RGS7: variants seen among roughly 807,000 people sequenced by gnomAD.
RGS7 encodes regulator of G protein signaling 7.
Under a neutral mutation model 81.1 loss-of-function variants are expected in RGS7, and 27 were observed. The ratio of observed to expected loss-of-function variants is 0.33; its 90% CI spans 0.25 to 0.46. The LOEUF is 0.46. RGS7 is among the 20% of genes least tolerant of loss of function. RGS7 has a pLI of 1.00. For missense variants in RGS7, 396 were observed against 607.4 expected (o/e 0.65, Z 3.66); for synonymous variants, 208 against 207.7 (o/e 1.00, Z -0.01).
intron 4 of RGS7, among the ~76,000 whole-genome samples, chr1:240,950,917 TTCTC>T (rs1168942820): frequency 2.0e-5 from 3 of 151,598 alleles, no homozygotes; most frequent in Admixed American, 6.6e-5. Context: ...TTTCTTTCCT[TTCTC>T]TCTCTCTTTT....
intron 2 of RGS7, among the ~76,000 whole-genome samples, chr1:241,310,939 G>A (rs562819283): frequency 6.0e-4 from 91 of 152,288 alleles, no homozygotes; most frequent in African/African-American, 2.0e-3. Context: ...CTTTCATCTC[G>A]ATCCCTGGAG....
At chr1:241,175,777 G>A (rs1346529303) in intron 2 of RGS7, among the ~76,000 whole-genome samples, 1 of 152,146 alleles carries the variant, frequency 6.6e-6, no homozygotes, top group Non-Finnish European at 1.5e-5. Context: ...GATGGGAGCA[G>A]CAATAGTTGG....
chr1:240,979,241 G>C (rs1309820680), intron 4 of RGS7, among the ~76,000 whole-genome samples: 1 of 152,132 alleles, frequency 6.6e-6, no homozygotes, highest in African/African-American at 2.4e-5. Flanking sequence ...AAAAAAGATA[G>C]TGTAGCAAAG....
intron 6 of RGS7, among the ~76,000 whole-genome samples, chr1:240,916,672 G>A (rs1315546381): frequency 6.6e-6 from 1 of 152,168 alleles, no homozygotes; most frequent in African/African-American, 2.4e-5. Context: ...CCTATACAGG[G>A]AAAAGGCCAT....
chr1:241,030,377 T>TATATATATATATATATAC (rs71793632), intron 3 of RGS7, among the ~76,000 whole-genome samples: 7 of 137,372 alleles, frequency 5.1e-5, no homozygotes, highest in African/African-American at 1.1e-4. Flanking sequence ...TATATATACA[T>TATATATATATATATATAC]ACACACATAC....
chr1:241,349,759 G>C (rs1345839011), intron 2 of RGS7, among the ~76,000 whole-genome samples: 1 of 152,192 alleles, frequency 6.6e-6, no homozygotes, highest in East Asian at 1.9e-4. Flanking sequence ...CTGTCATGAA[G>C]TGGAAAGCAA....
chr1:240,854,298 T>G (rs1253563798), intron 9 of RGS7, among the ~76,000 whole-genome samples: 1 of 152,216 alleles, frequency 6.6e-6, no homozygotes, highest in South Asian at 2.1e-4. Flanking sequence ...CAAACTTTTT[T>G]TCTCCCCTCT....
At chr1:240,955,285 T>C (rs537749500) in intron 4 of RGS7, among the ~76,000 whole-genome samples, 41 of 152,134 alleles carry the variant, frequency 2.7e-4, no homozygotes, top group African/African-American at 9.6e-4. Context: ...GACATAATAA[T>C]GAAGGATAAA....
At position 241,008,980 on chromosome 1, in the gene RGS7, C is replaced by T. The variant is rs969529030; in HGVS notation, c.176-25851G>A. ...TCAGTCATAAGACAGACAGCTATAA[C>T]CTAGGCAGCTGTAACCTTTGTTTCT... On this transcript the variant is annotated intron_variant, in intron 3 of 18. Coordinates refer to ENST00000440928, the MANE Select transcript of RGS7 (RefSeq NM_001364886.1). 6.0e-5 allele frequency among the ~76,000 whole-genome samples: 9 copies of T among 149,260 alleles called. No homozygotes were observed. The South Asian group carries it at 1.1e-3, about 18-fold the overall frequency.
intron 2 of RGS7, among the ~76,000 whole-genome samples, chr1:241,265,959 T>TG (rs1327117030): frequency 1.3e-5 from 2 of 152,036 alleles, no homozygotes; most frequent in African/African-American, 4.8e-5. Context: ...CATGCCCAGC[T>TG]AATTTTGTAT....
intron 2 of RGS7, among the ~76,000 whole-genome samples, chr1:241,220,353 C>G (rs1573193848): frequency 6.6e-6 from 1 of 152,154 alleles, no homozygotes; most frequent in Non-Finnish European, 1.5e-5. Flanking sequence ...AATACTGACG[C>G]CTGAACCATA....
chr1:241,230,588 T>C (rs1468054925), intron 2 of RGS7, among the ~76,000 whole-genome samples: 1 of 152,256 alleles, frequency 6.6e-6, no homozygotes, highest in African/African-American at 2.4e-5. Context: ...GAGCCCACTT[T>C]GACTCACAGT....
intron 4 of RGS7, among the ~76,000 whole-genome samples, chr1:240,959,355 C>A (rs115979055): frequency 6.6e-6 from 1 of 152,300 alleles, no homozygotes; most frequent in African/African-American, 2.4e-5. Flanking sequence ...GATGGCACAG[C>A]CTACTACACA....
At chr1:241,264,920 A>G (rs181586041) in intron 2 of RGS7, among the ~76,000 whole-genome samples, 2 of 152,340 alleles carry the variant, frequency 1.3e-5, no homozygotes, top group East Asian at 1.9e-4. Flanking sequence ...CCAGCGGCCT[A>G]ACTGCAAGTT....
chr1:241,083,731 T>A (rs2063282913), intron 3 of RGS7, among the ~76,000 whole-genome samples: 1 of 152,258 alleles, frequency 6.6e-6, no homozygotes, highest in Non-Finnish European at 1.5e-5. Flanking sequence ...GTACATTATC[T>A]GTTTGTATCC....
intron 6 of RGS7, among the ~76,000 whole-genome samples, chr1:240,872,542 T>C (rs1664675981): frequency 6.6e-6 from 1 of 152,208 alleles, no homozygotes; most frequent in South Asian, 2.1e-4. Flanking sequence ...CTGGTAACTG[T>C]TGAAGATACA....
In RGS7 at chr1:241,349,386, G is replaced by T. The variant is rs565893826; in HGVS notation, c.78+6313C>A. On this transcript the variant is annotated intron_variant, in intron 2 of 18. Coordinates refer to ENST00000440928, the MANE Select transcript of RGS7 (RefSeq NM_001364886.1). Reference sequence around the variant, plus strand: ...GGAACCCAGCTAATTTCACAAAACTGCCATTTCCTATATATTTTTCCAGAC... The same window carrying T: ...GGAACCCAGCTAATTTCACAAAACTTCCATTTCCTATATATTTTTCCAGAC... 8.7e-4 allele frequency among the ~76,000 whole-genome samples: 132 copies of T among 152,262 alleles called. 1 individual carries two copies. The highest frequency in any genetic ancestry group is 3.1e-3 in the African/African-American group (128 of 41,540).
At chr1:241,004,006 G>GT (rs1016989367) in intron 3 of RGS7, among the ~76,000 whole-genome samples, 4 of 152,090 alleles carry the variant, frequency 2.6e-5, no homozygotes, top group Non-Finnish European at 5.9e-5. Context: ...CTGAGCCACC[G>GT]TGCCCGGCCA....
At chr1:241,187,416 G>C (rs1371115584) in intron 2 of RGS7, among the ~76,000 whole-genome samples, 1 of 152,144 alleles carries the variant, frequency 6.6e-6, no homozygotes, top group African/African-American at 2.4e-5. Flanking sequence ...TTTACACTAA[G>C]AATTAGAGAT....
Sources: gnomAD v4.1 joint callset for allele counts (sites outside exome capture counted in the v4.1 genomes callset) on GRCh38, gnomAD v4.1.1 for gene constraint, MANE v1.5 for transcripts, NCBI Gene and HGNC (gene_info 2026-07-23, HGNC 2026-07-21) for gene names.